AGBL4: variants seen among roughly 807,000 people sequenced by gnomAD.
AGBL4 encodes the protein AGBL carboxypeptidase 4, also known as cytosolic carboxypeptidase 6.
AGBL4 carries 58 observed loss-of-function variants against 66.4 expected under a neutral mutation model. The ratio of observed to expected loss-of-function variants is 0.87; its 90% CI spans 0.71 to 1.09. AGBL4 has a LOEUF of 1.09. Ranked by LOEUF, AGBL4 falls within the 50% of genes least tolerant of loss-of-function variation. The pLI is 0.00. For missense variants in AGBL4, 579 were observed against 631.0 expected (o/e 0.92, Z 0.88); for synonymous variants, 234 against 222.9 (o/e 1.05, Z -0.44).
At chr1:48,606,059 T>C (rs779374555) in intron 9 of AGBL4, among the ~76,000 whole-genome samples, 1 of 152,182 alleles carries the variant, frequency 6.6e-6, no homozygotes, top group African/African-American at 2.4e-5. Flanking sequence ...CAATAAAGTG[T>C]AACACTTTAA....
intron 12 of AGBL4, among the ~76,000 whole-genome samples, chr1:48,535,570 T>C (rs994671197): frequency 6.6e-5 from 10 of 152,332 alleles, no homozygotes; most frequent in Middle Eastern, 6.8e-3. Context: ...ATCTTTACCA[T>C]ATCATTTACT....
At chr1:48,991,713 A>G (rs1451249311) in intron 5 of AGBL4, among the ~76,000 whole-genome samples, 1 of 152,018 alleles carries the variant, frequency 6.6e-6, no homozygotes, top group Non-Finnish European at 1.5e-5. Context: ...ATTTTCAAAT[A>G]GCCTTTCTTC....
intron 11 of AGBL4, among the ~76,000 whole-genome samples, chr1:48,555,656 C>A (rs182949064): frequency 1.3e-4 from 20 of 152,192 alleles, no homozygotes; most frequent in Admixed American, 1.2e-3. Flanking sequence ...GCACAATGCT[C>A]AAATTTGGTT....
At chr1:48,847,319 T>C (rs1362882497) in intron 6 of AGBL4, among the ~76,000 whole-genome samples, 1 of 150,246 alleles carries the variant, frequency 6.7e-6, no homozygotes, top group African/African-American at 2.4e-5. Context: ...AACAAAAACT[T>C]ACTCTACCAG....
chr1:49,956,238 A>T (rs1656594695), intron 1 of AGBL4, among the ~76,000 whole-genome samples: 1 of 151,918 alleles, frequency 6.6e-6, no homozygotes, highest in African/African-American at 2.4e-5. Flanking sequence ...CTAACAGAAC[A>T]TATCAAAACT....
At chr1:50,023,386 T>A (rs563592506) in intron 1 of AGBL4, among the ~76,000 whole-genome samples, 192 of 152,140 alleles carry the variant, frequency 1.3e-3, no homozygotes, top group African/African-American at 4.0e-3. Context: ...CCTTTAGGGA[T>A]CTCTCCCATG....
Position 49,877,227 on chromosome 1 carries a change from G to C in AGBL4, c.35-25709C>G, listed in dbSNP as rs1454529731. 2.0e-5 allele frequency among the ~76,000 whole-genome samples: 3 copies of C among 151,032 alleles called. No individual in the cohort carries two copies. The South Asian group carries it at 6.3e-4, about 32-fold the overall frequency. On this transcript the variant is annotated intron_variant, in intron 1 of 13. Transcript: ENST00000371839. ...AGGAGTGGTGAGAGAGGGCATCCCT[G>C]TCTTGTGCCGGTTTTCAAAGGGAAT... is the stretch of plus-strand genomic sequence containing the variant.
At chr1:49,715,510 T>C (rs1276698969) in intron 2 of AGBL4, among the ~76,000 whole-genome samples, 1 of 152,188 alleles carries the variant, frequency 6.6e-6, no homozygotes, top group Non-Finnish European at 1.5e-5. Context: ...CAAATGGTAT[T>C]CTGGTTCCAG....
chr1:49,864,453 G>GGGGA (rs768024853), intron 1 of AGBL4, among the ~76,000 whole-genome samples: 8 of 152,238 alleles, frequency 5.3e-5, no homozygotes, highest in Non-Finnish European at 1.0e-4. Context: ...AACAGCTAGT[G>GGGGA]AATCCTGCAT....
chr1:48,795,564 A>G (rs976112893), intron 6 of AGBL4, among the ~76,000 whole-genome samples: 1 of 152,224 alleles, frequency 6.6e-6, no homozygotes, highest in Admixed American at 6.5e-5. Context: ...TCACACCCAG[A>G]AAGTTGACAT....
At chr1:49,934,142 G>A (rs1653675281) in intron 1 of AGBL4, among the ~76,000 whole-genome samples, 1 of 152,130 alleles carries the variant, frequency 6.6e-6, no homozygotes, top group African/African-American at 2.4e-5. Flanking sequence ...GTGTACATAT[G>A]AGAGCTATTA....
intron 3 of AGBL4, among the ~76,000 whole-genome samples, chr1:49,445,604 T>G (rs1646136987): frequency 6.6e-6 from 1 of 152,064 alleles, no homozygotes; most frequent in Admixed American, 6.6e-5. Flanking sequence ...AAGACCTATG[T>G]TCAAGTTCTG....
intron 11 of AGBL4, among the ~76,000 whole-genome samples, chr1:48,567,803 C>T (rs1275318003): frequency 6.6e-6 from 1 of 152,138 alleles, no homozygotes; most frequent in African/African-American, 2.4e-5. Context: ...GCTTCCCGAC[C>T]TTTCATGTCA....
chr1:49,792,165 G>C (rs867030394), intron 2 of AGBL4, among the ~76,000 whole-genome samples: 2 of 152,008 alleles, frequency 1.3e-5, no homozygotes, highest in African/African-American at 4.8e-5. Context: ...AAAGTAACAA[G>C]AGTATAGTTT....
intron 11 of AGBL4, among the ~76,000 whole-genome samples, chr1:48,566,382 A>AGTT (rs1212947302): frequency 6.6e-6 from 1 of 152,236 alleles, no homozygotes; most frequent in African/African-American, 2.4e-5. Context: ...CTCAATAAAT[A>AGTT]GTTGTTAAAC....
At chr1:49,061,352 A>G (rs993672319) in intron 4 of AGBL4, among the ~76,000 whole-genome samples, 11 of 152,134 alleles carry the variant, frequency 7.2e-5, no homozygotes, top group African/African-American at 2.7e-4. Flanking sequence ...TTGAGGAGAT[A>G]CCCCTTGAAT....
intron 2 of AGBL4, among the ~76,000 whole-genome samples, chr1:49,759,046 T>G (rs1465609096): frequency 6.6e-6 from 1 of 152,128 alleles, no homozygotes; most frequent in Non-Finnish European, 1.5e-5. Flanking sequence ...TCTCAGGAGA[T>G]CTAATGGTTT....
chr1:48,810,226 C>A (rs1389964611), intron 6 of AGBL4, among the ~76,000 whole-genome samples: 1 of 152,338 alleles, frequency 6.6e-6, no homozygotes, highest in East Asian at 1.9e-4. Context: ...TCTGGGGATA[C>A]AAGTCCACAA....
At chr1:49,619,498 T>C (rs752801852) in intron 3 of AGBL4, among the ~76,000 whole-genome samples, 11 of 152,218 alleles carry the variant, frequency 7.2e-5, no homozygotes, top group Non-Finnish European at 1.3e-4. Flanking sequence ...AAACATTCCA[T>C]TCTCATTGAT....
Sources: allele counts gnomAD v4.1 joint callset (sites outside exome capture counted in the v4.1 genomes callset), GRCh38; gene constraint gnomAD v4.1.1; transcripts MANE v1.5; gene names NCBI Gene and HGNC (gene_info 2026-07-23, HGNC 2026-07-21).